ASF1B: variants seen among roughly 807,000 people sequenced by gnomAD.
ASF1B encodes the protein anti-silencing function 1B histone chaperone.
Under a neutral mutation model 16.6 loss-of-function variants are expected in ASF1B, and 10 were observed. The observed-to-expected ratio is 0.60, with a 90% CI of 0.37 to 1.02. ASF1B has a LOEUF of 1.02. Among genes scored for constraint, ASF1B ranks in the 50% least tolerant of loss-of-function variants. The pLI, the probability that ASF1B is intolerant of heterozygous loss-of-function variation, is 0.01. For missense variants in ASF1B, 240 were observed against 266.0 expected (o/e 0.90, Z 0.68); for synonymous variants, 101 against 106.2 (o/e 0.95, Z 0.30).
intron 1 of ASF1B, among the ~76,000 whole-genome samples, chr19:14,131,213 C>A (rs899167569): frequency 1.4e-5 from 2 of 145,410 alleles, no homozygotes; most frequent in Non-Finnish European, 3.0e-5. Context: ...GAAACAGAGT[C>A]TCGCTCTGTC....
Position 14,120,306 on chromosome 19 carries a change from G to T in ASF1B, c.*153C>A. Reference sequence around the variant, plus strand: ...GATCATCCTTCTGGCCAGGACTAGGGGAGACCCAAGGCCTGTTCTTTCCTA... The same window carrying T: ...GATCATCCTTCTGGCCAGGACTAGGTGAGACCCAAGGCCTGTTCTTTCCTA... On this transcript the variant is annotated 3_prime_UTR_variant, in exon 4 of 4. Coordinates refer to ENST00000263382, the MANE Select transcript of ASF1B (RefSeq NM_018154.3). The T allele has an allele frequency of 1.5e-6, 1 of 679,318 alleles. No individual in the cohort carries two copies. Among genetic ancestry groups the T allele is most frequent in the East Asian group, 2.8e-5 (1 of 35,608 alleles). The allele number at this position is 679,318 out of a possible 1,614,324, so 42.1% of individuals were successfully genotyped here. A position where few individuals can be genotyped will look rare whatever the true frequency, so the allele number is the denominator to read the frequency against.
chr19:14,126,233 CAGGTCTGCAA>C lies in ASF1B; in HGVS notation c.110-6_113del. 2 of 1,610,904 alleles carry C rather than the reference CAGGTCTGCAA, an allele frequency of 1.2e-6. No individual in the cohort carries two copies. Among genetic ancestry groups the C allele is most frequent in the Non-Finnish European group, 1.7e-6 (2 of 1,178,898 alleles). On this transcript the variant is annotated splice_acceptor_variant and splice_polypyrimidine_tract_variant and coding_sequence_variant and intron_variant, in exon 2 of 4. Transcript: ENST00000263382. LOFTEE classifies it high-confidence loss of function. ...AGCCAACATAAATGATCTTCCACTCCAGGTCTGCAAAGATATAGGAGGGTTAACTAATTGA... is the reference window on the plus strand; with the variant it reads ...AGCCAACATAAATGATCTTCCACTCCAGATATAGGAGGGTTAACTAATTGA...
chr19:14,135,964 C>T (rs1221201547), intron 1 of ASF1B, among the ~76,000 whole-genome samples: 1 of 151,556 alleles, frequency 6.6e-6, no homozygotes, highest in Admixed American at 6.6e-5. Context: ...AAAACGGGTA[C>T]CTAGGAAGAG....
intron 3 of ASF1B, 97 bp downstream of exon 3, chr19:14,121,435 C>T (rs757745414): frequency 1.1e-4 from 151 of 1,375,134 alleles, no homozygotes; most frequent in Non-Finnish European, 1.4e-4. Context: ...ACTTGAAAAC[C>T]TTAAGAAGTG....
chr19:14,128,302 A>G (rs761136792), intron 1 of ASF1B, among the ~76,000 whole-genome samples: 35 of 152,170 alleles, frequency 2.3e-4, no homozygotes, highest in Non-Finnish European at 1.8e-4. Context: ...TGCTGCTGCC[A>G]GGTCATGACT....
At chr19:14,125,192 C>T (rs1044277799) in intron 2 of ASF1B, among the ~76,000 whole-genome samples, 7 of 152,136 alleles carry the variant, frequency 4.6e-5, no homozygotes, top group Non-Finnish European at 1.0e-4. Flanking sequence ...GTCTTGAACT[C>T]CTGACCTCAG....
At chr19:14,123,316 G>A (rs569443368) in intron 2 of ASF1B, among the ~76,000 whole-genome samples, 33 of 152,024 alleles carry the variant, frequency 2.2e-4, no homozygotes, top group Non-Finnish European at 3.8e-4. Context: ...GAGTGTATCC[G>A]AGCAGAGGAT....
At chr19:14,135,887 C>T (rs2144523595) in intron 1 of ASF1B, among the ~76,000 whole-genome samples, 1 of 151,960 alleles carries the variant, frequency 6.6e-6, no homozygotes, top group South Asian at 2.1e-4. Flanking sequence ...GGTCTTGCCA[C>T]AGGGAAACCA....
intron 1 of ASF1B, among the ~76,000 whole-genome samples, chr19:14,134,031 C>T (rs1599360877): frequency 6.6e-6 from 1 of 151,960 alleles, no homozygotes; most frequent in Non-Finnish European, 1.5e-5. Context: ...GTCTCGATCT[C>T]CTGACCTCGT....
chr19:14,132,637 G>T (rs767040373), intron 1 of ASF1B, among the ~76,000 whole-genome samples: 1 of 152,168 alleles, frequency 6.6e-6, no homozygotes, highest in Non-Finnish European at 1.5e-5. Flanking sequence ...GGCCAACATG[G>T]TGAAACCTCG....
At chr19:14,122,040 C>T (rs1967247287) in intron 2 of ASF1B, among the ~76,000 whole-genome samples, 1 of 151,806 alleles carries the variant, frequency 6.6e-6, no homozygotes, top group African/African-American at 2.4e-5. Context: ...AAGCGATTCT[C>T]CTGCCTCAGC....
At chr19:14,127,138 C>G (rs1251803502) in intron 1 of ASF1B, among the ~76,000 whole-genome samples, 1 of 152,224 alleles carries the variant, frequency 6.6e-6, no homozygotes, top group African/African-American at 2.4e-5. Context: ...ATTATTCCAT[C>G]TGTCAGACAC....
In ASF1B at chr19:14,120,405, C is replaced by T; in HGVS notation, c.*54G>A. The T allele has an allele frequency of 6.3e-7, 1 of 1,582,894 alleles. No individual in the cohort carries two copies. ...CTCTAGATGGGCCCTGCAGGACTCG[C>T]TGGGAGGCCTGGTTGCCCCTCCCGG... On this transcript the variant is annotated 3_prime_UTR_variant, in exon 4 of 4. Coordinates refer to ENST00000263382, the MANE Select transcript of ASF1B (RefSeq NM_018154.3).
intron 1 of ASF1B, among the ~76,000 whole-genome samples, chr19:14,134,269 C>T (rs576966779): frequency 6.6e-6 from 1 of 152,188 alleles, no homozygotes; most frequent in East Asian, 1.9e-4. Context: ...TATTTATTTA[C>T]CCGCTGCCTT....
In ASF1B at chr19:14,136,432, C is replaced by G. The variant is rs762841796; in HGVS notation, c.25G>C (p.Val9Leu). Residue 9 changes from valine (V) to leucine (L), a missense_variant, in exon 1 of 4, where the codon GTG becomes CTG. By Grantham distance (32) the Val-to-Leu change is conservative. Transcript: ENST00000263382. MAKVSVLN[V>L]AVLENPSPFH... ...GGGCTCGGGTTCTCCAGGACCGCCA[C>G]GTTCAGCACCGACACCTTGGCCATC... The G allele has an allele frequency of 1.2e-6, 2 of 1,613,546 alleles. No homozygotes were observed. Among genetic ancestry groups the G allele is most frequent in the South Asian group, 2.2e-5 (2 of 91,066 alleles).
intron 1 of ASF1B, among the ~76,000 whole-genome samples, chr19:14,133,248 G>A (rs1240221190): frequency 6.6e-6 from 1 of 152,150 alleles, no homozygotes; most frequent in African/African-American, 2.4e-5. Context: ...CCCTGAAACA[G>A]GGAATCCTTC....
chr19:14,128,688 G>A (rs1219982226), intron 1 of ASF1B, among the ~76,000 whole-genome samples: 1 of 152,168 alleles, frequency 6.6e-6, no homozygotes, highest in Non-Finnish European at 1.5e-5. Flanking sequence ...TGCCCAGCCT[G>A]GTCTCAAGCA....
intron 1 of ASF1B, among the ~76,000 whole-genome samples, chr19:14,135,535 G>A (rs34339305): frequency 0.18 from 26,790 of 152,110 alleles, 2,740 homozygotes; most frequent in African/African-American, 0.28. Context: ...GCAGAAAAGC[G>A]GCAGCAACTG....
chr19:14,120,391 C>T lies in ASF1B; in HGVS notation c.*68G>A, dbSNP rs145956683. 7,645 of 1,510,390 alleles carry T rather than the reference C, an allele frequency of 5.1e-3. 46 individuals are homozygous for T. The highest frequency in any genetic ancestry group is 0.017 in the South Asian group (1,486 of 86,522). The allele number at this position is 1,510,390 out of a possible 1,614,324, so 93.6% of individuals were successfully genotyped here. On this transcript the variant is annotated 3_prime_UTR_variant, in exon 4 of 4. Coordinates refer to ENST00000263382, the MANE Select transcript of ASF1B (RefSeq NM_018154.3). ...TGGCCCCCAAAGTCCTCTAGATGGGCCCTGCAGGACTCGCTGGGAGGCCTG... is the reference window on the plus strand; with the variant it reads ...TGGCCCCCAAAGTCCTCTAGATGGGTCCTGCAGGACTCGCTGGGAGGCCTG...
Sources: allele counts gnomAD v4.1 joint callset (sites outside exome capture counted in the v4.1 genomes callset), GRCh38; gene constraint gnomAD v4.1.1; transcripts MANE v1.5; gene names NCBI Gene and HGNC (gene_info 2026-07-23, HGNC 2026-07-21).